Variants in LONP1 observed in about 807,000 individuals in gnomAD.
LONP1 encodes the protein lon peptidase 1, mitochondrial, also known as lon protease homolog, mitochondrial.
Under a neutral mutation model 98.5 loss-of-function variants are expected in LONP1, and 31 were observed. That is an observed-to-expected ratio of 0.31 (90% CI 0.24 to 0.42). The LOEUF is 0.42. LONP1 is among the 20% of genes least tolerant of loss of function. The pLI is 1.00. For missense variants in LONP1, 1,336 were observed against 1,350.6 expected (o/e 0.99, Z 0.17); for synonymous variants, 781 against 594.7 (o/e 1.31, Z -4.56).
chr19:5,711,030 A>AAAAG (rs1193947082), intron 4 of LONP1, among the ~76,000 whole-genome samples: 38 of 149,558 alleles, frequency 2.5e-4, no homozygotes, highest in African/African-American at 9.4e-4. Flanking sequence ...CTGTCTCAAA[A>AAAAG]AAAGAAAGAA....
At chr19:5,709,352 T>A (rs1373144343) in intron 4 of LONP1, among the ~76,000 whole-genome samples, 2 of 148,128 alleles carry the variant, frequency 1.4e-5, no homozygotes, top group Non-Finnish European at 3.0e-5. Context: ...AAAAAAAAAA[T>A]TAGCCAGGTA....
upstream of LONP1, chr19:5,720,396 C>T (rs369451210): frequency 1.7e-6 from 1 of 593,650 alleles, no homozygotes; most frequent in Non-Finnish European, 2.8e-6. Flanking sequence ...GTACAAAACA[C>T]TGGTAGTGTT....
intron 4 of LONP1, among the ~76,000 whole-genome samples, chr19:5,710,918 T>C (rs2055226526): frequency 6.6e-6 from 1 of 151,650 alleles, no homozygotes; most frequent in African/African-American, 2.4e-5. Context: ...CCCAGTTACT[T>C]GGGAGGCTGA....
In LONP1 at chr19:5,711,922, T is replaced by G. The variant is rs1278722504; in HGVS notation, c.719A>C (p.Lys240Thr). Reference sequence around the variant, plus strand: ...GTCCTCCGCCTCCTTCTTGCCCCGCTTTGACTTCCTGCGGGGCTTGTGCTT... The same window carrying G: ...GTCCTCCGCCTCCTTCTTGCCCCGCGTTGACTTCCTGCGGGGCTTGTGCTT... ...ENKHKPRRKSKRGKKEAEDEL... is the reference protein window; with the variant it reads ...ENKHKPRRKSTRGKKEAEDEL... Residue 240 changes from lysine to threonine, a missense_variant, in exon 4 of 18, where the codon AAG becomes ACG. Physicochemically the swap from Lys to Thr is moderately conservative, Grantham distance 78. This residue lies in a region of LONP1 where 457 missense variants were observed against 403.1 expected (regional missense o/e 1.13). Transcript: ENST00000360614. 2 of 1,613,138 alleles carry G rather than the reference T, an allele frequency of 1.2e-6. No individual in the cohort carries two copies. The highest frequency in any genetic ancestry group is 4.5e-5 in the East Asian group (2 of 44,852).
chr19:5,694,193 T>C (rs1458103830), intron 15 of LONP1, among the ~76,000 whole-genome samples, 194 bp downstream of exon 15: 1 of 152,140 alleles, frequency 6.6e-6, no homozygotes, highest in Non-Finnish European at 1.5e-5. Flanking sequence ...AGGCCCATGG[T>C]GTGCTGCCAC....
rs2145644128 is a variant in LONP1 at position 5,719,799 on chromosome 19, G to C, written c.334C>G (p.Leu112Val). The C allele has an allele frequency of 6.2e-7, 1 of 1,612,830 alleles. No individual in the cohort carries two copies. The highest frequency in any genetic ancestry group is 8.5e-7 in the Non-Finnish European group (1 of 1,179,918). Residue 112 changes from leucine to valine, a missense_variant, in exon 1 of 18, where the codon CTC (leucine) becomes GTC (valine). Physicochemically the swap from Leu to Val is conservative, Grantham distance 32 (BLOSUM62 1). Transcript: ENST00000360614. Reference protein sequence around the residue: ...GAGEGPVITALTPMTIPDVFP... With the variant: ...GAGEGPVITAVTPMTIPDVFP... ...ACATCGGGGATCGTCATGGGCGTGAGCGCCGTTATGACCGGGCCTTCCCCG... is the reference window on the plus strand; with the variant it reads ...ACATCGGGGATCGTCATGGGCGTGACCGCCGTTATGACCGGGCCTTCCCCG...
Position 5,692,626 on chromosome 19 carries a change from T to C in LONP1, c.2704-418A>G, listed in dbSNP as rs575996940. On this transcript the variant is annotated intron_variant, in intron 17 of 17. Transcript: ENST00000360614. ...CCCTCACCTCCGGAGGCTACACATA[T>C]CTGGAGTAGATGCCAGGCACAGCCC... is the stretch of plus-strand genomic sequence containing the variant. 1.2e-4 allele frequency among the ~76,000 whole-genome samples: 19 copies of C among 152,138 alleles called. No individual in the cohort carries two copies. The South Asian group carries it at 3.9e-3, about 32-fold the overall frequency.
upstream of LONP1, chr19:5,720,307 C>T: frequency 3.2e-6 from 3 of 941,124 alleles, no homozygotes; most frequent in Non-Finnish European, 4.4e-6. Context: ...GGATCGTCTC[C>T]GCCTCTTCCG....
intron 10 of LONP1, among the ~76,000 whole-genome samples, chr19:5,697,402 T>G (rs1373597605): frequency 6.6e-6 from 1 of 151,162 alleles, no homozygotes; most frequent in Admixed American, 6.6e-5. Context: ...CTGAGAGATG[T>G]GTTCCAGGCC....
At chr19:5,701,060 T>C in intron 8 of LONP1, 133 bp from the exon 9 acceptor site, 1 of 980,982 alleles carries the variant, frequency 1.0e-6, no homozygotes, top group Non-Finnish European at 1.6e-6. Flanking sequence ...ACGCCTGTAA[T>C]CCCAGCTCTT....
chr19:5,694,332 G>A (rs2054884640), intron 15 of LONP1, 55 bp downstream of exon 15: 4 of 1,598,224 alleles, frequency 2.5e-6, no homozygotes, highest in Non-Finnish European at 3.4e-6. Flanking sequence ...GGACCTGCTT[G>A]TTCTCGGGTA....
chr19:5,712,665 T>C (rs887979070), intron 3 of LONP1, among the ~76,000 whole-genome samples: 2 of 152,106 alleles, frequency 1.3e-5, no homozygotes, highest in Non-Finnish European at 2.9e-5. Context: ...TCTAACTTTT[T>C]ATTATTTTTT....
At chr19:5,693,158 TCCAGGCCAGAGAGACCTGCTTCCAAAGC>T in intron 17 of LONP1, 112 bp downstream of exon 17, 1 of 1,049,204 alleles carries the variant, frequency 9.5e-7, no homozygotes, top group South Asian at 1.6e-5. Context: ...TAAGGCCAGC[TCCAGGCCAGAGAGACCTGCTTCCAAAGC>T]CCAGGGCTTC....
At chr19:5,698,555 C>T (rs1002363716) in intron 10 of LONP1, among the ~76,000 whole-genome samples, 6 of 152,302 alleles carry the variant, frequency 3.9e-5, no homozygotes, top group Non-Finnish European at 7.4e-5. Context: ...ACAGAGGCGC[C>T]AAGGTTTCTC....
intron 12 of LONP1, 27 bp from the exon 13 acceptor site, chr19:5,696,197 G>GA (rs1568312763): frequency 6.2e-7 from 1 of 1,612,688 alleles, no homozygotes; most frequent in Non-Finnish European, 8.5e-7. Flanking sequence ...GGTGCTGGGG[G>GA]ACTGGCCGCT....
chr19:5,696,635 C>G (rs181481775), intron 11 of LONP1, 35 bp downstream of exon 11: 1 of 1,593,598 alleles, frequency 6.3e-7, no homozygotes, highest in Non-Finnish European at 8.6e-7. Flanking sequence ...ACGGCATTGC[C>G]GGGTTAGGGG....
rs1183694527 is a variant in LONP1 at position 5,693,470 on chromosome 19, G to A, written c.2539-8C>T. On this transcript the variant is annotated splice_region_variant and splice_polypyrimidine_tract_variant and intron_variant, in intron 16 of 17. Coordinates refer to ENST00000360614, the MANE Select transcript of LONP1 (RefSeq NM_004793.4). Reference sequence around the variant, plus strand: ...GTCCTTGGGGGTGGCGCCCTGTGGAGGCATGTGGGGATAGTGGGTGAGCAG... The same window carrying A: ...GTCCTTGGGGGTGGCGCCCTGTGGAAGCATGTGGGGATAGTGGGTGAGCAG... The A allele has an allele frequency of 6.2e-7, 1 of 1,611,286 alleles. No homozygotes were observed.
At chr19:5,698,833 C>G (rs1478014044) in intron 10 of LONP1, among the ~76,000 whole-genome samples, 194 bp downstream of exon 10, 1 of 152,256 alleles carries the variant, frequency 6.6e-6, no homozygotes, top group Non-Finnish European at 1.5e-5. Flanking sequence ...CCTGCCAGCG[C>G]TGTTTGAGCA....
intron 8 of LONP1, among the ~76,000 whole-genome samples, chr19:5,702,252 TG>T (rs56009900): frequency 0.55 from 65,504 of 119,438 alleles, 17,638 homozygotes; most frequent in Non-Finnish European, 0.63. Flanking sequence ...GGAGGGAGGT[TG>T]GGGGGGGGGT....
Sources: allele counts gnomAD v4.1 joint callset (sites outside exome capture counted in the v4.1 genomes callset), GRCh38; gene constraint gnomAD v4.1.1; regional missense constraint gnomAD v4.1.1; transcripts MANE v1.5; gene names NCBI Gene and HGNC (gene_info 2026-07-23, HGNC 2026-07-21).